The following WDR59 variants were observed in gnomAD, a reference collection of about 807,000 sequenced individuals.
WDR59 encodes the protein WD repeat domain 59, also known as GATOR2 complex protein WDR59.
A neutral mutation model predicts 131.2 loss-of-function variants in WDR59; 100 were observed. The observed-to-expected ratio is 0.76, with a 90% CI of 0.65 to 0.90. WDR59 has a LOEUF of 0.90. Ranked by LOEUF, WDR59 falls within the 40% of genes least tolerant of loss-of-function variation. WDR59 has a pLI of 0.00. For missense variants in WDR59, 1,203 were observed against 1,262.2 expected (o/e 0.95, Z 0.71); for synonymous variants, 601 against 466.2 (o/e 1.29, Z -3.72).
At chr16:74,880,860 A>G (rs72796693) in intron 25 of WDR59, among the ~76,000 whole-genome samples, 9,658 of 152,346 alleles carry the variant, frequency 0.063, 367 homozygotes, top group South Asian at 0.092. Flanking sequence ...CAGTTTGTTA[A>G]CCATACAACA....
chr16:74,901,165 C>T (rs924076565), intron 18 of WDR59, among the ~76,000 whole-genome samples: 13 of 152,190 alleles, frequency 8.5e-5, no homozygotes, highest in Admixed American at 5.9e-4. Flanking sequence ...TCCCAGCACT[C>T]TGGGAGGCTG....
At chr16:74,919,862 A>T (rs2030000105) in intron 10 of WDR59, among the ~76,000 whole-genome samples, 1 of 152,078 alleles carries the variant, frequency 6.6e-6, no homozygotes, top group Admixed American at 6.6e-5. Context: ...GGTCCAATAA[A>T]AATTGATGAC....
At chr16:74,927,409 A>C (rs908243462) in intron 8 of WDR59, among the ~76,000 whole-genome samples, 13 of 151,912 alleles carry the variant, frequency 8.6e-5, no homozygotes, top group Admixed American at 4.6e-4. Context: ...CCAACATGGC[A>C]AAACCCCAAC....
At chr16:74,942,959 C>G (rs1407127218) in intron 6 of WDR59, 133 bp from the exon 7 acceptor site, 1 of 706,506 alleles carries the variant, frequency 1.4e-6, no homozygotes, top group Non-Finnish European at 2.4e-6. Flanking sequence ...TGTGACTGCA[C>G]CAACTCCACT....
At chr16:74,908,281 G>T (rs1389869863) in intron 17 of WDR59, among the ~76,000 whole-genome samples, 1 of 152,100 alleles carries the variant, frequency 6.6e-6, no homozygotes, top group Non-Finnish European at 1.5e-5. Context: ...AGCCAGACAT[G>T]GTGGTGCACA....
chr16:74,958,447 C>T (rs181395221), intron 2 of WDR59, among the ~76,000 whole-genome samples: 35 of 151,078 alleles, frequency 2.3e-4, no homozygotes, highest in Non-Finnish European at 4.3e-4. Flanking sequence ...AAAAAATTAG[C>T]TAAACATTGG....
chr16:74,909,029 G>A, intron 16 of WDR59, 52 bp from the exon 17 acceptor site: 1 of 1,511,474 alleles, frequency 6.6e-7, no homozygotes, highest in South Asian at 1.1e-5. Context: ...CTGGCCGTGG[G>A]AAATCCTGAG....
chr16:74,972,821 T>TTA (rs1455301675), intron 1 of WDR59, among the ~76,000 whole-genome samples: 1 of 55,044 alleles, frequency 1.8e-5, no homozygotes, highest in East Asian at 6.0e-4. Flanking sequence ...GACTCTGTCT[T>TTA]AAAAAAAAAA....
rs146253828 is a variant in WDR59, at chr16:74,928,185, T to G, written c.652-4182A>C. 5.9e-4 allele frequency among the ~76,000 whole-genome samples: 87 copies of G among 147,434 alleles called. No homozygotes were observed. The East Asian group carries it at 0.016, about 27-fold the overall frequency. ...CCTCCCAAAGTGCTGGGATTACAGG[T>G]GTGAGCCACTGCATCCAGGTTTTTT... is the stretch of plus-strand genomic sequence containing the variant. On this transcript the variant is annotated intron_variant, in intron 8 of 25. Transcript: ENST00000262144.
chr16:74,949,464 G>C (rs759419955), intron 5 of WDR59, among the ~76,000 whole-genome samples: 11 of 150,772 alleles, frequency 7.3e-5, no homozygotes, highest in Non-Finnish European at 1.3e-4. Flanking sequence ...GAAGGAGAGA[G>C]GGAGGGAGGG....
In WDR59 at chr16:74,967,394, G is replaced by A. The variant is rs1458831138; in HGVS notation, c.55-1572C>T. On this transcript the variant is annotated intron_variant, in intron 1 of 25. Transcript: ENST00000262144. Reference sequence around the variant, plus strand: ...AGATGGTTCCTCTAACAAGATCTGTGTAATCTTTCTGGGGAGTCTGTGGTA... The same window carrying A: ...AGATGGTTCCTCTAACAAGATCTGTATAATCTTTCTGGGGAGTCTGTGGTA... 9.2e-5 allele frequency among the ~76,000 whole-genome samples: 14 copies of A among 152,170 alleles called. 1 individual carries two copies. The highest frequency in any genetic ancestry group is 9.2e-4 in the Admixed American group (14 of 15,254).
intron 8 of WDR59, among the ~76,000 whole-genome samples, chr16:74,928,403 G>A (rs1195292372): frequency 1.3e-5 from 2 of 151,148 alleles, no homozygotes; most frequent in Admixed American, 6.6e-5. Context: ...TTTTTCTATA[G>A]AGACGAGGTC....
At chr16:74,952,014 T>A (rs2033030643) in intron 3 of WDR59, among the ~76,000 whole-genome samples, 1 of 151,116 alleles carries the variant, frequency 6.6e-6, no homozygotes, top group Non-Finnish European at 1.5e-5. Flanking sequence ...TGAGATGGGA[T>A]CTACATTGCC....
In WDR59 at chr16:74,943,451, C is replaced by A. The variant is rs144068470; in HGVS notation, c.446-625G>T. ...ACCCTTGGCAGTATGTGACCTCAGT[C>A]CTTTTCCCTCTCTGCCAATACAGAG... On this transcript the variant is annotated intron_variant, in intron 6 of 25. Transcript: ENST00000262144. 3.9e-3 allele frequency among the ~76,000 whole-genome samples: 600 copies of A among 152,246 alleles called. 7 individuals carry two copies. Among genetic ancestry groups the A allele is most frequent in the African/African-American group, 0.014 (575 of 41,550 alleles).
At chr16:74,956,206 C>G (rs1213206965) in intron 3 of WDR59, among the ~76,000 whole-genome samples, 1 of 152,166 alleles carries the variant, frequency 6.6e-6, no homozygotes, top group Non-Finnish European at 1.5e-5. Context: ...AGGTTCTCAC[C>G]ACTCACAGAA....
intron 17 of WDR59, 106 bp downstream of exon 17, chr16:74,908,802 A>G: frequency 1.3e-6 from 1 of 781,888 alleles, no homozygotes. Context: ...AGTTTACTGA[A>G]GAACTGAAAT....
At chr16:74,876,791 A>G (rs1964236840) in intron 25 of WDR59, among the ~76,000 whole-genome samples, 1 of 152,146 alleles carries the variant, frequency 6.6e-6, no homozygotes, top group Admixed American at 6.6e-5. Context: ...ATTGAGAAGG[A>G]TAGGCAGATG....
intron 18 of WDR59, among the ~76,000 whole-genome samples, chr16:74,900,454 A>T (rs964879161): frequency 6.6e-6 from 1 of 152,218 alleles, no homozygotes; most frequent in African/African-American, 2.4e-5. Context: ...CTAGTTATTT[A>T]CATGAGAGCT....
At chr16:74,916,048 G>C (rs528261393) in intron 12 of WDR59, 54 bp from the exon 13 acceptor site, 33 of 1,613,962 alleles carry the variant, frequency 2.0e-5, no homozygotes, top group Middle Eastern at 3.3e-4. Flanking sequence ...ATGAAACAGA[G>C]AACAGGTCTG....
Sources: allele counts gnomAD v4.1 joint callset (sites outside exome capture counted in the v4.1 genomes callset), GRCh38; gene constraint gnomAD v4.1.1; transcripts MANE v1.5; gene names NCBI Gene and HGNC (gene_info 2026-07-23, HGNC 2026-07-21).